KMT5B: variants seen among roughly 807,000 people sequenced by gnomAD.
The protein encoded by KMT5B is lysine methyltransferase 5B.
In KMT5B, 10 loss-of-function variants were observed where a neutral mutation model predicts 83.2. That is an observed-to-expected ratio of 0.12 (90% CI 0.07 to 0.20). The LOEUF (loss-of-function observed/expected upper bound fraction) is 0.20, where lower values mean the gene tolerates loss of function less well. Among genes scored for constraint, KMT5B ranks in the 10% least tolerant of loss-of-function variants. The pLI, the probability that KMT5B is intolerant of heterozygous loss-of-function variation, is 1.00. For synonymous variants in KMT5B, 349 were observed against 388.8 expected, an observed-to-expected ratio of 0.90 and a Z score of 1.20; for missense variants, 753 against 1,067.2, an observed-to-expected ratio of 0.71 and a Z score of 4.10.
At chr11:68,175,606 T>C (rs1004774495) in intron 4 of KMT5B, among the ~76,000 whole-genome samples, 1 of 151,992 alleles carries the variant, frequency 6.6e-6, no homozygotes, top group African/African-American at 2.4e-5. Flanking sequence ...TAATTTAGAG[T>C]TAGAATGACA....
At chr11:68,195,774 C>G (rs1050316958) in intron 1 of KMT5B, among the ~76,000 whole-genome samples, 2 of 152,066 alleles carry the variant, frequency 1.3e-5, no homozygotes. Flanking sequence ...TGAAAGAACA[C>G]AGAGCAGAAT....
chr11:68,197,131 T>C (rs1009191505), intron 1 of KMT5B, among the ~76,000 whole-genome samples: 4 of 151,996 alleles, frequency 2.6e-5, no homozygotes, highest in African/African-American at 9.7e-5. Flanking sequence ...CCACCACACC[T>C]GGCTAATTTT....
chr11:68,208,256 G>C (rs1860421146), intron 1 of KMT5B, among the ~76,000 whole-genome samples: 1 of 151,760 alleles, frequency 6.6e-6, no homozygotes, highest in Admixed American at 6.6e-5. Context: ...AGACCAGCCT[G>C]GCCAACATGG....
intron 1 of KMT5B, chr11:68,212,645 G>GTTTAT (rs1861062275): frequency 6.5e-6 from 1 of 152,672 alleles, no homozygotes; most frequent in Non-Finnish European, 1.5e-5. Flanking sequence ...GGACGCAGCG[G>GTTTAT]CCGCGGGGTC....
At chr11:68,212,888 C>T (rs1013286966) in intron 1 of KMT5B, 1 of 149,598 alleles carries the variant, frequency 6.7e-6, no homozygotes, top group Admixed American at 6.6e-5. Context: ...GGCCCCGACG[C>T]TGCCCGGCGG....
At chr11:68,177,272 G>C (rs1481509425) in intron 4 of KMT5B, among the ~76,000 whole-genome samples, 2 of 152,154 alleles carry the variant, frequency 1.3e-5, no homozygotes, top group Non-Finnish European at 2.9e-5. Flanking sequence ...GCACCTAAAA[G>C]TATAGAAATT....
chr11:68,170,551 A>G (rs1460861411), intron 9 of KMT5B, among the ~76,000 whole-genome samples: 1 of 152,234 alleles, frequency 6.6e-6, no homozygotes, highest in Non-Finnish European at 1.5e-5. Flanking sequence ...TTGATGAGAC[A>G]TAAGAAGAGG....
chr11:68,203,162 G>A lies in KMT5B; in HGVS notation c.-77+9976C>T, dbSNP rs567965791. Among the ~76,000 whole-genome samples, 5 of 150,670 alleles carry A rather than the reference G, an allele frequency of 3.3e-5. No individual in the cohort carries two copies. The South Asian group carries it at 1.1e-3, about 32-fold the overall frequency. Reference sequence around the variant, plus strand: ...AGCTAATTTTTGTATTTTTAGGAGAGACGAGGTTTCACCATGTTGGTCAGG... The same window carrying A: ...AGCTAATTTTTGTATTTTTAGGAGAAACGAGGTTTCACCATGTTGGTCAGG... On this transcript the variant is annotated intron_variant, in intron 1 of 10. Coordinates refer to ENST00000304363, the MANE Select transcript of KMT5B (RefSeq NM_017635.5).
chr11:68,157,977 G>A lies in KMT5B; in HGVS notation c.2369C>T (p.Ser790Phe). ...ATTTTCATGAAGCCCCTCTGTATAA[G>A]ACCCCCTATTTTCCTCATCTCGTTT... ...QLKRDEENRG[S>F]YTEGLHENGV... Residue 790 changes from serine to phenylalanine, a missense_variant, in exon 11 of 11, where the codon TCT becomes TTT. Ser to Phe is a radical substitution (Grantham distance 155). Around this residue, in one of 9 missense-constraint regions of KMT5B, gnomAD observed 161 missense variants for 195.1 expected, o/e 0.83. Coordinates refer to ENST00000304363, the MANE Select transcript of KMT5B (RefSeq NM_017635.5). The A allele has an allele frequency of 1.2e-6, 2 of 1,614,074 alleles. No homozygotes were observed. The highest frequency in any genetic ancestry group is 1.7e-6 in the Non-Finnish European group (2 of 1,180,008).
intron 3 of KMT5B, among the ~76,000 whole-genome samples, chr11:68,182,292 C>G (rs1327201281): frequency 6.6e-6 from 1 of 152,170 alleles, no homozygotes; most frequent in Non-Finnish European, 1.5e-5. Flanking sequence ...GTTTTAGGAC[C>G]TAGCTATTCC....
intron 10 of KMT5B, chr11:68,166,489 C>T (rs1855332567): frequency 1.0e-6 from 1 of 1,003,556 alleles, no homozygotes. Flanking sequence ...TGGTGGTCTG[C>T]TGAACTGAGT....
At chr11:68,159,938 C>T (rs945933937) in intron 10 of KMT5B, among the ~76,000 whole-genome samples, 14 of 152,244 alleles carry the variant, frequency 9.2e-5, no homozygotes, top group Middle Eastern at 3.4e-3. Flanking sequence ...ACTCTCAGGA[C>T]AAAGGGAGAT....
intron 4 of KMT5B, chr11:68,179,864 C>G: frequency 2.4e-6 from 1 of 419,668 alleles, no homozygotes; most frequent in African/African-American, 2.0e-5. Context: ...ACATACCTGG[C>G]TGAGTCCTGC....
rs758717634 is a variant in KMT5B at position 68,189,953 on chromosome 11, C to T, written c.124G>A (p.Ala42Thr). 1.9e-6 allele frequency: 3 copies of T among 1,614,064 alleles called. No individual in the cohort carries two copies. Among genetic ancestry groups the T allele is most frequent in the African/African-American group, 1.3e-5 (1 of 75,024 alleles). Residue 42 changes from alanine to threonine, a missense_variant, in exon 2 of 11, where the codon GCT becomes ACT. Transcript: ENST00000304363. Reference protein sequence around the residue: ...LQHTGKDTLKAGKNAVERRSN... With the variant: ...LQHTGKDTLKTGKNAVERRSN... ...CTCCTCTCGACTGCATTTTTGCCAG[C>T]CTTCAGGGTGTCCTTCCCCGTGTGC...
At chr11:68,201,350 C>G (rs1442363038) in intron 1 of KMT5B, among the ~76,000 whole-genome samples, 1 of 152,142 alleles carries the variant, frequency 6.6e-6, no homozygotes, top group Non-Finnish European at 1.5e-5. Context: ...CAAAAGAAAG[C>G]AGCATTGATT....
In KMT5B at chr11:68,182,039, G is replaced by T. The variant is rs1011857133; in HGVS notation, c.309-1839C>A. 3.9e-5 allele frequency among the ~76,000 whole-genome samples: 6 copies of T among 152,200 alleles called. No homozygotes were observed. The East Asian group carries it at 1.2e-3, about 29-fold the overall frequency. On this transcript the variant is annotated intron_variant, in intron 3 of 10. Transcript: ENST00000304363. ...TTGGACTAAAAAATACTTAAAAAAT[G>T]ATTTCTTCTGCAAGTTTAACCAGCT...
At chr11:68,184,407 A>G (rs981923187) in intron 3 of KMT5B, among the ~76,000 whole-genome samples, 6 of 152,172 alleles carry the variant, frequency 3.9e-5, no homozygotes, top group Non-Finnish European at 7.4e-5. Context: ...GAAAAAAACA[A>G]AAGCATATTT....
chr11:68,187,681 C>T (rs992512615), intron 2 of KMT5B, among the ~76,000 whole-genome samples: 7 of 152,206 alleles, frequency 4.6e-5, no homozygotes, highest in Non-Finnish European at 1.0e-4. Context: ...GTCTGTTAGG[C>T]CTCATTGGTT....
intron 1 of KMT5B, among the ~76,000 whole-genome samples, chr11:68,191,819 CA>C (rs1397511285): frequency 6.6e-6 from 1 of 152,186 alleles, no homozygotes; most frequent in Non-Finnish European, 1.5e-5. Flanking sequence ...ATAAAGTCTA[CA>C]ATAGTATACA....
Sources: allele counts gnomAD v4.1 joint callset (sites outside exome capture counted in the v4.1 genomes callset), GRCh38; gene constraint gnomAD v4.1.1; regional missense constraint gnomAD v4.1.1; transcripts MANE v1.5; gene names NCBI Gene and HGNC (gene_info 2026-07-23, HGNC 2026-07-21).